Variants in CEP55 observed in about 807,000 individuals in gnomAD.
The protein encoded by CEP55 is centrosomal protein 55.
Under a neutral mutation model 63.2 loss-of-function variants are expected in CEP55, and 57 were observed. The ratio of observed to expected loss-of-function variants is 0.90; its 90% CI spans 0.73 to 1.13. The LOEUF (loss-of-function observed/expected upper bound fraction) is 1.13, where lower values mean the gene tolerates loss of function less well. Ranked by LOEUF, CEP55 falls within the 50% of genes most tolerant of loss-of-function variation. The probability of loss-of-function intolerance (pLI) is 0.00; values close to 1 mark genes in which losing one functional copy is unlikely to be tolerated. For missense variants in CEP55, 456 were observed against 518.9 expected, an observed-to-expected ratio of 0.88 and a Z score of 1.18; for synonymous variants, 178 against 191.6, an observed-to-expected ratio of 0.93 and a Z score of 0.59.
chr10:93,522,190 A>G (rs2057871781), intron 8 of CEP55, among the ~76,000 whole-genome samples: 1 of 152,212 alleles, frequency 6.6e-6, no homozygotes, highest in South Asian at 2.1e-4. Flanking sequence ...AAACCTTGAA[A>G]AAAGATTAGA....
At position 93,528,242 on chromosome 10, in the gene CEP55, T is replaced by C; in HGVS notation, c.*89T>C. 1 of 1,095,638 alleles carries C rather than the reference T, an allele frequency of 9.1e-7. No individual in the cohort carries two copies. The highest frequency in any genetic ancestry group is 2.5e-5 in the East Asian group (1 of 39,280). 67.9% of individuals were successfully genotyped at this position (1,095,638 alleles called of 1,614,324 possible). A position where few individuals can be genotyped will look rare whatever the true frequency, so the allele number is the denominator to read the frequency against. On this transcript the variant is annotated 3_prime_UTR_variant, in exon 9 of 9. Coordinates refer to ENST00000371485, the MANE Select transcript of CEP55 (RefSeq NM_018131.5). ...ATTTTGAATTATATATTTCACATTT[T>C]GCATAAAACTGCCTATCTACCTTTG...
At chr10:93,517,707 T>G (rs2057818801) in intron 6 of CEP55, among the ~76,000 whole-genome samples, 1 of 152,276 alleles carries the variant, frequency 6.6e-6, no homozygotes, top group South Asian at 2.1e-4. Flanking sequence ...GCATCTTCCA[T>G]GTTCTTGTTA....
chr10:93,503,148 T>C lies in CEP55; in HGVS notation c.219T>C (p.Asn73=), dbSNP rs762770627. ...IRVLEAEKEK[N]AYQLTEKDKE... ...TCCTTGAGGCTGAGAAGGAGAAGAA[T>C]GCTTATCAACTCACAGAGAAGGACA... Residue 73 remains asparagine (N), a synonymous_variant, in exon 3 of 9, where the codon AAT becomes AAC. Coordinates refer to ENST00000371485, the MANE Select transcript of CEP55 (RefSeq NM_018131.5). 18 of 1,614,056 alleles carry C rather than the reference T, an allele frequency of 1.1e-5. No individual in the cohort carries two copies. The highest frequency in any genetic ancestry group is 1.5e-5 in the Non-Finnish European group (18 of 1,179,996).
Position 93,515,431 on chromosome 10 carries a change from C to A in CEP55, c.555C>A (p.Leu185=), listed in dbSNP as rs1378664165. ...KDALEKNQQW[L]VYDQQREVYV... is the part of the protein sequence containing the mutation. ...CTCTGGAGAAAAATCAGCAGTGGCT[C>A]GTGTATGATCAGCAGCGGGAAGTCT... Residue 185 remains leucine, a synonymous_variant, in exon 5 of 9, where the codon CTC becomes CTA. Coordinates refer to ENST00000371485, the MANE Select transcript of CEP55 (RefSeq NM_018131.5). The A allele has an allele frequency of 5.0e-6, 8 of 1,608,854 alleles. No individual in the cohort carries two copies. The highest frequency in any genetic ancestry group is 2.2e-5 in the East Asian group (1 of 44,784).
At chr10:93,510,363 A>G (rs1243943979) in intron 4 of CEP55, among the ~76,000 whole-genome samples, 1 of 152,274 alleles carries the variant, frequency 6.6e-6, no homozygotes, top group Non-Finnish European at 1.5e-5. Context: ...TCAAATTAAC[A>G]GAAAAGTTAC....
At chr10:93,522,184 C>G (rs2057871686) in intron 8 of CEP55, among the ~76,000 whole-genome samples, 1 of 152,082 alleles carries the variant, frequency 6.6e-6, no homozygotes, top group South Asian at 2.1e-4. Context: ...AGTTGAAAAC[C>G]TTGAAAAAAG....
intron 4 of CEP55, chr10:93,510,436 C>A (rs769870615): frequency 2.0e-5 from 3 of 152,136 alleles, no homozygotes; most frequent in Non-Finnish European, 2.9e-5. Context: ...TAAAATTCAA[C>A]CGTTGTTAAC....
chr10:93,516,219 A>G (rs2057801923), intron 5 of CEP55, among the ~76,000 whole-genome samples: 1 of 152,204 alleles, frequency 6.6e-6, no homozygotes, highest in Non-Finnish European at 1.5e-5. Flanking sequence ...AGGGGACCAA[A>G]GCCTTGAATT....
Position 93,503,137 on chromosome 10 carries a change from AAGG to A in CEP55, c.211_213del (p.Glu71del), listed in dbSNP as rs751421978. The A allele has an allele frequency of 9.3e-6, 15 of 1,613,554 alleles. No individual in the cohort carries two copies. Among genetic ancestry groups the A allele is most frequent in the Non-Finnish European group, 1.2e-5 (14 of 1,179,886 alleles). On this transcript the variant is annotated inframe_deletion, in exon 3 of 9. Transcript: ENST00000371485. ...GAAAATTCGAGTCCTTGAGGCTGAGAAGGAGAAGAATGCTTATCAACTCACAGA... is the reference window on the plus strand; with the variant it reads ...GAAAATTCGAGTCCTTGAGGCTGAGAAGAAGAATGCTTATCAACTCACAGA...
chr10:93,503,246 A>G lies in CEP55; in HGVS notation c.317A>G (p.Glu106Gly), dbSNP rs774132671. The G allele has an allele frequency of 3.7e-6, 6 of 1,614,154 alleles. No homozygotes were observed. In the East Asian group the frequency reaches 6.7e-5, roughly 18 times the overall value. Residue 106 changes from glutamate (E) to glycine (G), a missense_variant, in exon 3 of 9, where the codon GAG (glutamate) becomes GGG (glycine). Coordinates refer to ENST00000371485, the MANE Select transcript of CEP55 (RefSeq NM_018131.5). ...STTTLLEQLE[E>G]TTREGERREQ... is the part of the protein sequence containing the mutation. ...ACCACATTGCTTGAACAGCTGGAAGAGACAACGAGAGAAGGAGAAAGGAGG... is the reference window on the plus strand; with the variant it reads ...ACCACATTGCTTGAACAGCTGGAAGGGACAACGAGAGAAGGAGAAAGGAGG...
intron 3 of CEP55, among the ~76,000 whole-genome samples, chr10:93,504,442 C>T (rs766313651): frequency 2.7e-5 from 4 of 150,848 alleles, no homozygotes; most frequent in South Asian, 2.1e-4. Context: ...CACTGTACTC[C>T]GGCCTGGGTG....
chr10:93,518,760 C>A, intron 6 of CEP55, 117 bp from the exon 7 acceptor site: 1 of 642,092 alleles, frequency 1.6e-6, no homozygotes, highest in Non-Finnish European at 2.8e-6. Context: ...TCACCCCTGA[C>A]TAGCAGGTGT....
intron 4 of CEP55, among the ~76,000 whole-genome samples, chr10:93,514,725 G>A (rs922502375): frequency 2.0e-5 from 3 of 152,216 alleles, no homozygotes; most frequent in African/African-American, 7.2e-5. Context: ...GAGGCTGTCA[G>A]CTAATCAGCT....
chr10:93,507,070 C>CT lies in CEP55; in HGVS notation c.528+18dup. ...CAGCTGAAAGATGTAAGTTCATTTC[C>CT]TTTTAAGTTATGGGTAAAGAGGGCT... On this transcript the variant is annotated intron_variant, in intron 4 of 8. Transcript: ENST00000371485. 6.9e-7 allele frequency: 1 copy of CT among 1,442,650 alleles called. No homozygotes were observed. 89.4% of individuals were successfully genotyped at this position (1,442,650 alleles called of 1,614,324 possible).
chr10:93,521,668 C>T (rs559183550), intron 8 of CEP55, among the ~76,000 whole-genome samples: 15 of 152,276 alleles, frequency 9.9e-5, no homozygotes, highest in Admixed American at 4.6e-4. Flanking sequence ...CCCTGACCCC[C>T]GTGTAGCCTA....
intron 2 of CEP55, among the ~76,000 whole-genome samples, chr10:93,502,609 A>G (rs1476142943): frequency 6.6e-6 from 1 of 152,230 alleles, no homozygotes; most frequent in African/African-American, 2.4e-5. Flanking sequence ...ATCACCTTCT[A>G]GATTCAATAC....
chr10:93,508,482 G>C (rs2057710560), intron 4 of CEP55, among the ~76,000 whole-genome samples: 1 of 152,172 alleles, frequency 6.6e-6, no homozygotes, highest in South Asian at 2.1e-4. Context: ...AATTTACCTA[G>C]AGGTAACTGG....
intron 4 of CEP55, among the ~76,000 whole-genome samples, chr10:93,510,976 T>C (rs2057741821): frequency 6.7e-6 from 1 of 149,574 alleles, no homozygotes; most frequent in Admixed American, 6.7e-5. Flanking sequence ...TCTCACTCTG[T>C]CGCCGAGGCT....
chr10:93,500,103 C>G lies in CEP55; in HGVS notation c.52C>G (p.Pro18Ala). Residue 18 changes from proline to alanine, a missense_variant, in exon 2 of 9, where the codon CCT becomes GCT. Physicochemically the swap from Pro to Ala is conservative, Grantham distance 27 (BLOSUM62 -1). Coordinates refer to ENST00000371485, the MANE Select transcript of CEP55 (RefSeq NM_018131.5). ...AATTAAAAGTAAGTGGGGATCGAAGCCTAGTAACTCCAAATCCGAAACTAC... is the reference window on the plus strand; with the variant it reads ...AATTAAAAGTAAGTGGGGATCGAAGGCTAGTAACTCCAAATCCGAAACTAC... Reference protein sequence around the residue: ...DLIKSKWGSKPSNSKSETTLE... With the variant: ...DLIKSKWGSKASNSKSETTLE... 1 of 1,613,354 alleles carries G rather than the reference C, an allele frequency of 6.2e-7. No individual in the cohort carries two copies. The highest frequency in any genetic ancestry group is 8.5e-7 in the Non-Finnish European group (1 of 1,179,516).
Sources: gnomAD v4.1 joint callset for allele counts (sites outside exome capture counted in the v4.1 genomes callset) on GRCh38, gnomAD v4.1.1 for gene constraint, MANE v1.5 for transcripts, NCBI Gene and HGNC (gene_info 2026-07-23, HGNC 2026-07-21) for gene names.